The following FTO variants were observed in gnomAD, a reference collection of about 807,000 sequenced individuals.
The protein encoded by FTO is alpha-ketoglutarate-dependent dioxygenase FTO.
In FTO, 47 loss-of-function variants were observed where a neutral mutation model predicts 63.9. That is an observed-to-expected ratio of 0.74 (90% CI 0.58 to 0.94). The LOEUF (loss-of-function observed/expected upper bound fraction) is 0.94. FTO is among the 40% of genes least tolerant of loss of function. The pLI, the probability that FTO is intolerant of heterozygous loss-of-function variation, is 0.00. For missense variants in FTO, 562 were observed against 618.1 expected, an observed-to-expected ratio of 0.91 and a Z score of 0.96; for synonymous variants, 207 against 224.4, an observed-to-expected ratio of 0.92 and a Z score of 0.69.
intron 8 of FTO, among the ~76,000 whole-genome samples, chr16:53,972,838 T>C (rs1010722407): frequency 2.6e-5 from 4 of 152,196 alleles, no homozygotes; most frequent in Non-Finnish European, 5.9e-5. Context: ...GAAATTCTCT[T>C]AATGGAATAG....
In FTO at chr16:53,811,534, T is replaced by C. The variant is rs568755463; in HGVS notation, c.123+1317T>C. ...TCTGCACCATCTTTCCTCTTCACTG[T>C]CAGTCCTCTTATAGGTCTGTCTAGT... On this transcript the variant is annotated intron_variant, in intron 2 of 8. Coordinates refer to ENST00000471389, the MANE Select transcript of FTO (RefSeq NM_001080432.3). 2.6e-5 allele frequency among the ~76,000 whole-genome samples: 4 copies of C among 152,286 alleles called. No homozygotes were observed. The South Asian group carries it at 8.3e-4, about 32-fold the overall frequency.
In FTO at chr16:54,074,942, G is replaced by GTGTGTGTGTA. The variant is rs1555506076; in HGVS notation, c.1365-36811_1365-36810insATGTGTGTGT. Among the ~76,000 whole-genome samples, 905 of 148,584 alleles carry GTGTGTGTGTA rather than the reference G, an allele frequency of 6.1e-3. 3 individuals are homozygous for GTGTGTGTGTA. The highest frequency in any genetic ancestry group is 0.015 in the African/African-American group (611 of 39,428). On this transcript the variant is annotated intron_variant, in intron 8 of 8. Transcript: ENST00000471389. ...AGTGTGTGTGTGTGTGTGTGTGTGT[G>GTGTGTGTGTA]TGTGTGTGTGTGTAAACTGTTTTAG... is the stretch of plus-strand genomic sequence containing the variant.
intron 3 of FTO, 69 bp from the exon 4 acceptor site, chr16:53,844,086 T>G (rs914773764): frequency 8.2e-7 from 1 of 1,216,838 alleles, no homozygotes; most frequent in Admixed American, 1.8e-5. Context: ...CTTTCTAAAA[T>G]AACAATTATA....
chr16:53,767,779 A>G (rs766477177), intron 1 of FTO, among the ~76,000 whole-genome samples: 2 of 152,212 alleles, frequency 1.3e-5, no homozygotes, highest in Non-Finnish European at 2.9e-5. Flanking sequence ...AAATTTAATA[A>G]CAATCAAGGA....
chr16:53,825,754 C>A (rs745812689), intron 2 of FTO, 110 bp from the exon 3 acceptor site: 21 of 1,232,630 alleles, frequency 1.7e-5, no homozygotes, highest in African/African-American at 3.0e-5. Flanking sequence ...GAAATAGCCA[C>A]CAGGTAGTCC....
At chr16:53,901,041 A>G (rs993244566) in intron 7 of FTO, among the ~76,000 whole-genome samples, 7 of 152,208 alleles carry the variant, frequency 4.6e-5, no homozygotes, top group African/African-American at 1.4e-4. Flanking sequence ...GCAACTAAAA[A>G]TAAAATGAAA....
At chr16:54,087,753 C>T (rs1007179137) in intron 8 of FTO, among the ~76,000 whole-genome samples, 11 of 152,270 alleles carry the variant, frequency 7.2e-5, no homozygotes, top group Admixed American at 2.6e-4. Flanking sequence ...GCTATGATCA[C>T]GCCACTGCAC....
At chr16:53,737,214 A>G (rs2076409638) in intron 1 of FTO, among the ~76,000 whole-genome samples, 1 of 152,058 alleles carries the variant, frequency 6.6e-6, no homozygotes, top group South Asian at 2.1e-4. Context: ...CACATTTTAT[A>G]TATTTATCTG....
At chr16:53,959,937 G>A (rs892411100) in intron 8 of FTO, among the ~76,000 whole-genome samples, 14 of 152,124 alleles carry the variant, frequency 9.2e-5, no homozygotes, top group Non-Finnish European at 4.4e-5. Context: ...TGAATAACAT[G>A]GAGACTCGTG....
intron 8 of FTO, among the ~76,000 whole-genome samples, chr16:53,960,264 T>C (rs1319902076): frequency 6.6e-6 from 1 of 152,140 alleles, no homozygotes; most frequent in Non-Finnish European, 1.5e-5. Flanking sequence ...AGGGGAAGGG[T>C]ATTTTGTACA....
chr16:53,753,592 G>T (rs183317766), intron 1 of FTO, among the ~76,000 whole-genome samples: 2 of 152,060 alleles, frequency 1.3e-5, no homozygotes, highest in African/African-American at 4.8e-5. Context: ...CTTGTGGCTC[G>T]TGTCCTTCCT....
At position 54,015,826 on chromosome 16, in the gene FTO, G is replaced by A. The variant is rs140779864; in HGVS notation, c.1364+81717G>A. On this transcript the variant is annotated intron_variant, in intron 8 of 8. Coordinates refer to ENST00000471389, the MANE Select transcript of FTO (RefSeq NM_001080432.3). Reference sequence around the variant, plus strand: ...ACTTCATACAGTGACTTACAAGTTCGGACAGCCTCCAGCAAACACAGGAAA... The same window carrying A: ...ACTTCATACAGTGACTTACAAGTTCAGACAGCCTCCAGCAAACACAGGAAA... 6.9e-3 allele frequency among the ~76,000 whole-genome samples: 1,054 copies of A among 152,254 alleles called. 18 individuals carry two copies. Among genetic ancestry groups the A allele is most frequent in the African/African-American group, 0.024 (999 of 41,538 alleles).
At chr16:53,941,998 C>G (rs1036027013) in intron 8 of FTO, among the ~76,000 whole-genome samples, 4 of 152,240 alleles carry the variant, frequency 2.6e-5, no homozygotes, top group Non-Finnish European at 4.4e-5. Flanking sequence ...TTGTGAAATA[C>G]CTTTCCTCTC....
intron 7 of FTO, among the ~76,000 whole-genome samples, chr16:53,896,358 C>T (rs2081279564): frequency 4.0e-5 from 6 of 148,628 alleles, no homozygotes; most frequent in Admixed American, 1.3e-4. Context: ...GGATTAAATT[C>T]AGCTCTAGTC....
At chr16:53,763,581 T>C (rs2077122526) in intron 1 of FTO, among the ~76,000 whole-genome samples, 1 of 152,164 alleles carries the variant, frequency 6.6e-6, no homozygotes, top group African/African-American at 2.4e-5. Context: ...TGCTATGTAT[T>C]ATGCTAAACT....
At chr16:53,870,689 T>C (rs2080468892) in intron 4 of FTO, among the ~76,000 whole-genome samples, 1 of 152,234 alleles carries the variant, frequency 6.6e-6, no homozygotes, top group South Asian at 2.1e-4. Context: ...CGTCTGCATA[T>C]GTTATAAACC....
chr16:53,980,598 C>T (rs1003766587), intron 8 of FTO, among the ~76,000 whole-genome samples: 1 of 152,210 alleles, frequency 6.6e-6, no homozygotes, highest in South Asian at 2.1e-4. Context: ...AGAAGCACCT[C>T]TCCTTCCAAC....
intron 1 of FTO, among the ~76,000 whole-genome samples, chr16:53,782,785 A>T (rs2077620909): frequency 6.6e-6 from 1 of 152,212 alleles, no homozygotes. Flanking sequence ...AGCCATTTTA[A>T]TGCTGAATGA....
chr16:53,917,501 G>A (rs952343548), intron 7 of FTO, among the ~76,000 whole-genome samples: 7 of 152,080 alleles, frequency 4.6e-5, no homozygotes, highest in African/African-American at 1.7e-4. Flanking sequence ...ATTAGGACAG[G>A]GCTTGGCACA....
Sources: allele counts gnomAD v4.1 joint callset (sites outside exome capture counted in the v4.1 genomes callset), GRCh38; gene constraint gnomAD v4.1.1; transcripts MANE v1.5; gene names NCBI Gene and HGNC (gene_info 2026-07-23, HGNC 2026-07-21).